RELN: variants seen among roughly 807,000 people sequenced by gnomAD.
The protein encoded by RELN is reelin.
RELN carries 108 observed loss-of-function variants against 427.6 expected under a neutral mutation model. The observed-to-expected ratio is 0.25, with a 90% CI of 0.22 to 0.30. The LOEUF (loss-of-function observed/expected upper bound fraction) is 0.30. Among genes scored for constraint, RELN ranks in the 10% least tolerant of loss-of-function variants. The probability of loss-of-function intolerance (pLI) is 1.00; values close to 1 mark genes in which losing one functional copy is unlikely to be tolerated. For synonymous variants in RELN, 1,524 were observed against 1,513.4 expected, an observed-to-expected ratio of 1.01 and a Z score of -0.16; for missense variants, 3,715 against 4,302.8, an observed-to-expected ratio of 0.86 and a Z score of 3.82.
intron 28 of RELN, among the ~76,000 whole-genome samples, chr7:103,581,316 A>C (rs1179944606): frequency 6.6e-6 from 1 of 151,956 alleles, no homozygotes; most frequent in Non-Finnish European, 1.5e-5. Flanking sequence ...GTTTATTATT[A>C]TTATTTTTGA....
chr7:103,642,421 T>G (rs974964748), intron 16 of RELN, among the ~76,000 whole-genome samples: 3 of 150,544 alleles, frequency 2.0e-5, no homozygotes, highest in African/African-American at 7.3e-5. Context: ...TTTCTTCCCT[T>G]GTAAAAGAAG....
intron 8 of RELN, among the ~76,000 whole-genome samples, chr7:103,705,363 C>T (rs1355011532): frequency 6.6e-6 from 1 of 152,042 alleles, no homozygotes; most frequent in Non-Finnish European, 1.5e-5. Flanking sequence ...AACAAAAAAA[C>T]CTAAAACACT....
chr7:103,913,657 T>C (rs754689992), intron 2 of RELN, among the ~76,000 whole-genome samples: 5 of 152,184 alleles, frequency 3.3e-5, no homozygotes, highest in Non-Finnish European at 7.3e-5. Flanking sequence ...GTAAAGAATA[T>C]GTTAAACTTA....
intron 2 of RELN, among the ~76,000 whole-genome samples, chr7:103,909,271 A>G (rs773483843): frequency 4.5e-4 from 69 of 152,084 alleles, no homozygotes; most frequent in Admixed American, 9.8e-4. Context: ...CAAGTTTGTA[A>G]TAGGTTCTAC....
At chr7:103,642,042 C>G (rs777985819) in intron 16 of RELN, among the ~76,000 whole-genome samples, 2 of 152,110 alleles carry the variant, frequency 1.3e-5, no homozygotes, top group Non-Finnish European at 2.9e-5. Context: ...CATTAGGACT[C>G]ATAACAGGCT....
At chr7:103,775,587 T>G (rs1791717800) in intron 4 of RELN, among the ~76,000 whole-genome samples, 1 of 152,186 alleles carries the variant, frequency 6.6e-6, no homozygotes, top group African/African-American at 2.4e-5. Context: ...TTCAGTAATA[T>G]AATTCTAAAA....
chr7:103,723,847 GA>G (rs2115911296), intron 7 of RELN, among the ~76,000 whole-genome samples: 1 of 152,212 alleles, frequency 6.6e-6, no homozygotes, highest in Admixed American at 6.5e-5. Flanking sequence ...AAAAGAAATA[GA>G]ATTATGAACC....
chr7:103,892,430 T>G (rs1449750445), intron 2 of RELN, among the ~76,000 whole-genome samples: 1 of 152,206 alleles, frequency 6.6e-6, no homozygotes, highest in African/African-American at 2.4e-5. Context: ...TAAAAACATT[T>G]ATGAAGAGCA....
At chr7:103,589,326 G>T (rs1036644665) in intron 28 of RELN, among the ~76,000 whole-genome samples, 1 of 152,180 alleles carries the variant, frequency 6.6e-6, no homozygotes, top group African/African-American at 2.4e-5. Context: ...GCTCATAAAT[G>T]TTAAGCCATT....
At chr7:103,830,063 A>G (rs1793238948) in intron 3 of RELN, among the ~76,000 whole-genome samples, 1 of 152,046 alleles carries the variant, frequency 6.6e-6, no homozygotes, top group African/African-American at 2.4e-5. Context: ...TTAAAAAATA[A>G]AGTAGACACT....
intron 7 of RELN, among the ~76,000 whole-genome samples, chr7:103,726,309 C>T (rs1331096879): frequency 6.6e-6 from 1 of 152,168 alleles, no homozygotes; most frequent in Non-Finnish European, 1.5e-5. Flanking sequence ...TCATCGCCAT[C>T]ATTCTCAATC....
rs1362217301 is a variant in RELN, at chr7:103,510,925, T to C, written c.8200A>G (p.Ser2734Gly). 1 of 1,613,156 alleles carries C rather than the reference T, an allele frequency of 6.2e-7. No individual in the cohort carries two copies. The highest frequency in any genetic ancestry group is 1.3e-5 in the African/African-American group (1 of 75,042). Residue 2734 changes from serine to glycine, a missense_variant, in exon 51 of 65, where the codon AGT becomes GGT. Ser to Gly is a moderately conservative substitution (Grantham distance 56, BLOSUM62 0). Coordinates refer to ENST00000428762, the MANE Select transcript of RELN (RefSeq NM_005045.4). ...GCATACACCTCCCGTCCATCATGAC[T>C]GCCACAGAGCATCACACCATCAGGG... is the stretch of plus-strand genomic sequence containing the variant. The part of the protein sequence containing the change: ...DSPDGVMLCG[S>G]HDGREVYAVT...
At chr7:103,947,263 G>C (rs1480408327) in intron 1 of RELN, among the ~76,000 whole-genome samples, 1 of 152,188 alleles carries the variant, frequency 6.6e-6, no homozygotes, top group African/African-American at 2.4e-5. Flanking sequence ...AGTGGTGACT[G>C]TAACAGGTTG....
intron 1 of RELN, among the ~76,000 whole-genome samples, chr7:103,972,894 A>ATGTGTGTGTGTGTGTGTGTG (rs34930399): frequency 2.9e-4 from 43 of 149,268 alleles, no homozygotes; most frequent in African/African-American, 9.4e-4. Context: ...GCATATGATT[A>ATGTGTGTGTGTGTGTGTGTG]TGTGTGTGTG....
intron 3 of RELN, among the ~76,000 whole-genome samples, chr7:103,777,181 A>T (rs1326845664): frequency 6.6e-6 from 1 of 152,184 alleles, no homozygotes; most frequent in Non-Finnish European, 1.5e-5. Context: ...GGAGATGTAT[A>T]TCTTTTACTT....
At chr7:103,527,660 A>T (rs1046975037) in intron 46 of RELN, among the ~76,000 whole-genome samples, 2 of 152,204 alleles carry the variant, frequency 1.3e-5, no homozygotes, top group African/African-American at 4.8e-5. Flanking sequence ...ATGTCAGCCC[A>T]TTTCAAAATG....
chr7:103,874,471 C>T (rs1439502545), intron 2 of RELN, among the ~76,000 whole-genome samples: 1 of 144,358 alleles, frequency 6.9e-6, no homozygotes, highest in Non-Finnish European at 1.5e-5. Flanking sequence ...TTGTCTCAGC[C>T]CAAAATCTCC....
rs1831751260 is a variant in RELN at position 103,604,217 on chromosome 7, G to C, written c.3146+129C>G. The C allele has an allele frequency of 6.9e-6, 7 of 1,014,392 alleles. 1 individual carries two copies. The South Asian group carries it at 9.2e-5, about 13-fold the overall frequency. The allele number at this position is 1,014,392 out of a possible 1,614,324, so 62.8% of individuals were successfully genotyped here. A position where few individuals can be genotyped will look rare whatever the true frequency, so the allele number is the denominator to read the frequency against. ...CATCTAAAATACAAACAGAAAGGAGGACTTGTTTCTTTTGGCTATGTCATT... is the reference window on the plus strand; with the variant it reads ...CATCTAAAATACAAACAGAAAGGAGCACTTGTTTCTTTTGGCTATGTCATT... On this transcript the variant is annotated intron_variant, in intron 23 of 64. Transcript: ENST00000428762.
At chr7:103,866,639 A>G (rs1207847309) in intron 2 of RELN, among the ~76,000 whole-genome samples, 1 of 152,108 alleles carries the variant, frequency 6.6e-6, no homozygotes, top group Admixed American at 6.6e-5. Flanking sequence ...TATTTCTGAT[A>G]GGCATCCCTA....
Sources: allele counts gnomAD v4.1 joint callset (sites outside exome capture counted in the v4.1 genomes callset), GRCh38; gene constraint gnomAD v4.1.1; transcripts MANE v1.5; gene names NCBI Gene and HGNC (gene_info 2026-07-23, HGNC 2026-07-21).